The following ARMC2 variants were observed in gnomAD, a reference collection of about 807,000 sequenced individuals.
The protein encoded by ARMC2 is armadillo repeat-containing protein 2.
In ARMC2, 67 loss-of-function variants were observed where a neutral mutation model predicts 90.3. The observed-to-expected ratio is 0.74, with a 90% CI of 0.61 to 0.91. The LOEUF (loss-of-function observed/expected upper bound fraction) is 0.91. Ranked by LOEUF, ARMC2 falls within the 40% of genes least tolerant of loss-of-function variation. The pLI is 0.00. For missense variants in ARMC2, 920 were observed against 1,030.9 expected, an observed-to-expected ratio of 0.89 and a Z score of 1.47; for synonymous variants, 393 against 393.0, an observed-to-expected ratio of 1.00 and a Z score of 0.00.
At chr6:108,866,538 T>C (rs1775836431) in intron 3 of ARMC2, among the ~76,000 whole-genome samples, 1 of 152,158 alleles carries the variant, frequency 6.6e-6, no homozygotes, top group Non-Finnish European at 1.5e-5. Flanking sequence ...GGTGAGCAAC[T>C]TACATGGGGA....
At chr6:108,859,348 C>T (rs1774980510) in intron 3 of ARMC2, among the ~76,000 whole-genome samples, 1 of 152,068 alleles carries the variant, frequency 6.6e-6, no homozygotes, top group Non-Finnish European at 1.5e-5. Flanking sequence ...CTGGCTTTTT[C>T]GTGGTTCTTA....
At chr6:108,954,016 T>G (rs1417578261) in intron 13 of ARMC2, among the ~76,000 whole-genome samples, 3 of 152,190 alleles carry the variant, frequency 2.0e-5, no homozygotes, top group Non-Finnish European at 4.4e-5. Context: ...ACTCACTGTG[T>G]GCTCACATGG....
the ARMC2 span, among the ~76,000 whole-genome samples, chr6:109,025,476 C>T: frequency 6.6e-6 from 1 of 150,486 alleles, no homozygotes; most frequent in Non-Finnish European, 1.5e-5. Context: ...GTGAGGACTA[C>T]AGGAAACAAT....
At chr6:108,919,434 T>C (rs965761657) in intron 10 of ARMC2, among the ~76,000 whole-genome samples, 1 of 152,192 alleles carries the variant, frequency 6.6e-6, no homozygotes, top group Non-Finnish European at 1.5e-5. Context: ...AACTTTGCTC[T>C]GATTATTGGA....
the ARMC2 span, among the ~76,000 whole-genome samples, chr6:108,980,713 T>C: frequency 1.3e-5 from 2 of 152,058 alleles, no homozygotes; most frequent in Non-Finnish European, 2.9e-5. Context: ...AGAGGAGGAA[T>C]CTAGAGAGGC....
chr6:108,973,151 A>G (rs1335782729), intron 17 of ARMC2, among the ~76,000 whole-genome samples: 1 of 151,968 alleles, frequency 6.6e-6, no homozygotes, highest in East Asian at 1.9e-4. Flanking sequence ...ATACATGGAG[A>G]CCCTGCCTCT....
At chr6:109,007,483 A>G in the ARMC2 span, among the ~76,000 whole-genome samples, 1 of 152,218 alleles carries the variant, frequency 6.6e-6, no homozygotes, top group Non-Finnish European at 1.5e-5. Context: ...TACTGTTGTG[A>G]TTATCACAAC....
At position 108,964,190 on chromosome 6, in the gene ARMC2, C is replaced by A; in HGVS notation, c.2163C>A (p.Phe721Leu). 6.2e-7 allele frequency: 1 copy of A among 1,613,700 alleles called. No homozygotes were observed. Among genetic ancestry groups the A allele is most frequent in the Non-Finnish European group, 8.5e-7 (1 of 1,179,758 alleles). Residue 721 changes from phenylalanine to leucine, a missense_variant, in exon 16 of 18, where the codon TTC (phenylalanine) becomes TTA (leucine). By Grantham distance (22) the Phe-to-Leu change is conservative. Transcript: ENST00000392644. ...TCTCTTCCCTCGTAGTCCACAGGTT[C>A]ATGATGGCGCTGCTGGATGCTCAGC... ...DFIVQNNVHR[F>L]MMALLDAQHQ...
the ARMC2 span, chr6:109,000,213 G>A: frequency 8.4e-6 from 2 of 238,600 alleles, no homozygotes; most frequent in East Asian, 8.1e-5. Context: ...ATATGATATT[G>A]TAATGGATGC....
chr6:109,025,129 A>G, the ARMC2 span, among the ~76,000 whole-genome samples: 1 of 152,130 alleles, frequency 6.6e-6, no homozygotes, highest in Admixed American at 6.6e-5. Flanking sequence ...GCCAAAACCC[A>G]AGGGGCTAAA....
the ARMC2 span, among the ~76,000 whole-genome samples, chr6:108,982,764 T>G: frequency 0.1 from 15,169 of 151,894 alleles, 899 homozygotes; most frequent in Middle Eastern, 0.19. Flanking sequence ...TGTTGGTCAT[T>G]TGTATTATCA....
At chr6:109,031,417 C>T in the ARMC2 span, among the ~76,000 whole-genome samples, 1 of 152,130 alleles carries the variant, frequency 6.6e-6, no homozygotes, top group Non-Finnish European at 1.5e-5. Context: ...CAGCCTCACA[C>T]CACCACCAAA....
At chr6:108,941,371 A>C (rs1776423997) in intron 12 of ARMC2, among the ~76,000 whole-genome samples, 1 of 152,220 alleles carries the variant, frequency 6.6e-6, no homozygotes, top group Non-Finnish European at 1.5e-5. Flanking sequence ...GAACCCAAGC[A>C]GTATGCCTAT....
At chr6:108,937,297 G>C (rs1194685554) in intron 12 of ARMC2, among the ~76,000 whole-genome samples, 1 of 152,066 alleles carries the variant, frequency 6.6e-6, no homozygotes, top group Admixed American at 6.5e-5. Flanking sequence ...GAGTCACCTT[G>C]GGGTGGGGGA....
At position 108,953,359 on chromosome 6, in the gene ARMC2, C is replaced by T. The variant is rs1777341219; in HGVS notation, c.1915+8C>T. 3 of 1,589,404 alleles carry T rather than the reference C, an allele frequency of 1.9e-6. No individual in the cohort carries two copies. Among genetic ancestry groups the T allele is most frequent in the East Asian group, 4.5e-5 (2 of 44,570 alleles). On this transcript the variant is annotated splice_region_variant and intron_variant, in intron 13 of 17. Coordinates refer to ENST00000392644, the MANE Select transcript of ARMC2 (RefSeq NM_032131.6). ...TGCTCCTGACCACGCTGGGTGAGAA[C>T]CGCAGCCCACTGGCTGCAGCAGACA...
intron 4 of ARMC2, among the ~76,000 whole-genome samples, chr6:108,870,611 AAAAG>A (rs576852278): frequency 4.5e-4 from 69 of 152,102 alleles, no homozygotes; most frequent in African/African-American, 1.4e-3. Context: ...GAAGGAAAGA[AAAAG>A]AAGAGAGGGA....
intron 15 of ARMC2, among the ~76,000 whole-genome samples, chr6:108,962,975 G>T (rs1778102261): frequency 6.6e-6 from 1 of 151,888 alleles, no homozygotes; most frequent in African/African-American, 2.4e-5. Flanking sequence ...CTCTAGGCTG[G>T]GAGACAGAGC....
chr6:108,979,616 C>T, the ARMC2 span, among the ~76,000 whole-genome samples: 2 of 152,176 alleles, frequency 1.3e-5, no homozygotes, highest in African/African-American at 4.8e-5. Context: ...TTCCCCGTCA[C>T]TTTCAGATAC....
At chr6:109,012,069 A>G in the ARMC2 span, among the ~76,000 whole-genome samples, 1 of 152,084 alleles carries the variant, frequency 6.6e-6, no homozygotes, top group African/African-American at 2.4e-5. Context: ...GCTCCTCTCA[A>G]CCTCTAGGGC....
Sources: allele counts gnomAD v4.1 joint callset (sites outside exome capture counted in the v4.1 genomes callset), GRCh38; gene constraint gnomAD v4.1.1; transcripts MANE v1.5; gene names NCBI Gene and HGNC (gene_info 2026-07-23, HGNC 2026-07-21).